The following SLIT3 variants were observed in gnomAD, a reference collection of about 807,000 sequenced individuals.
The protein encoded by SLIT3 is slit homolog 3 protein.
SLIT3 carries 68 observed loss-of-function variants against 184.0 expected under a neutral mutation model. The ratio of observed to expected loss-of-function variants is 0.37; its 90% confidence interval spans 0.30 to 0.45. SLIT3 has a LOEUF of 0.45. Among genes scored for constraint, SLIT3 ranks in the 20% least tolerant of loss-of-function variants. The probability of loss-of-function intolerance (pLI) is 1.00; values close to 1 mark genes in which losing one functional copy is unlikely to be tolerated. For synonymous variants in SLIT3, 831 were observed against 828.6 expected, an observed-to-expected ratio of 1.00 and a Z score of -0.05; for missense variants, 1,707 against 2,026.0, an observed-to-expected ratio of 0.84 and a Z score of 3.02.
intron 10 of SLIT3, 21 bp from the exon 11 acceptor site, chr5:168,789,652 G>A (rs2113586706): frequency 1.2e-6 from 2 of 1,602,230 alleles, no homozygotes; most frequent in East Asian, 2.2e-5. Context: ...TAACGGTAAA[G>A]TCTGAGAACA....
chr5:168,677,510 G>T (rs928458200), intron 32 of SLIT3, among the ~76,000 whole-genome samples: 1 of 152,136 alleles, frequency 6.6e-6, no homozygotes, highest in African/African-American at 2.4e-5. Context: ...ATACATTGGC[G>T]TGATCTCAGC....
chr5:169,201,945 T>C (rs989068635), intron 3 of SLIT3, among the ~76,000 whole-genome samples: 2 of 152,188 alleles, frequency 1.3e-5, no homozygotes, highest in Non-Finnish European at 1.5e-5. Flanking sequence ...ACAGATCTCT[T>C]TGTCAGCCAG....
chr5:169,076,858 T>C (rs1758762810), intron 4 of SLIT3, among the ~76,000 whole-genome samples: 1 of 152,164 alleles, frequency 6.6e-6, no homozygotes, highest in African/African-American at 2.4e-5. Flanking sequence ...TTGATGAGAC[T>C]TGGGACAACT....
intron 4 of SLIT3, among the ~76,000 whole-genome samples, chr5:169,190,380 TC>T (rs1763512517): frequency 6.6e-6 from 1 of 152,240 alleles, no homozygotes; most frequent in Non-Finnish European, 1.5e-5. Context: ...AGCCCCTGGA[TC>T]CAGCTGTTCC....
At chr5:169,191,718 C>T (rs562478120) in intron 4 of SLIT3, among the ~76,000 whole-genome samples, 7 of 152,104 alleles carry the variant, frequency 4.6e-5, no homozygotes, top group Non-Finnish European at 8.8e-5. Flanking sequence ...GTGCCTGGCT[C>T]CCAGAATCTC....
chr5:169,023,931 A>G (rs966671047), intron 4 of SLIT3: 21 of 152,186 alleles, frequency 1.4e-4, no homozygotes, highest in African/African-American at 4.8e-4. Flanking sequence ...CCCAGTGGAA[A>G]CATTCGCATG....
intron 16 of SLIT3, among the ~76,000 whole-genome samples, chr5:168,760,552 C>A (rs928441546): frequency 1.3e-5 from 2 of 152,160 alleles, no homozygotes; most frequent in African/African-American, 4.8e-5. Context: ...TTACCTGAGT[C>A]CCACCCACCA....
At chr5:168,768,376 C>T (rs778939243) in intron 14 of SLIT3, 7 of 450,338 alleles carry the variant, frequency 1.6e-5, no homozygotes, top group Non-Finnish European at 3.1e-5. Context: ...AGTGGGGTTC[C>T]ACTGGAACAC....
chr5:169,125,024 T>G (rs1317679161), intron 4 of SLIT3, among the ~76,000 whole-genome samples: 1 of 152,096 alleles, frequency 6.6e-6, no homozygotes, highest in Non-Finnish European at 1.5e-5. Flanking sequence ...CTGTTTTTAT[T>G]TTTTTGTTTT....
At chr5:168,825,350 G>T (rs538641235) in intron 6 of SLIT3, among the ~76,000 whole-genome samples, 5 of 152,244 alleles carry the variant, frequency 3.3e-5, no homozygotes, top group African/African-American at 1.2e-4. Context: ...TCCAAAGCAG[G>T]ATTCCAGTGG....
At chr5:168,789,840 C>T (rs993899066) in intron 10 of SLIT3, 1 of 531,594 alleles carries the variant, frequency 1.9e-6, no homozygotes, top group Non-Finnish European at 3.3e-6. Flanking sequence ...TTACATCACT[C>T]TTCTTGGTTT....
rs943343660 is a variant in SLIT3, at chr5:168,689,431, T to C, written c.3177-2315A>G. On this transcript the variant is annotated intron_variant, in intron 29 of 35. Coordinates refer to ENST00000519560, the MANE Select transcript of SLIT3 (RefSeq NM_003062.4). ...CCAGGACATCTGGAGTCTCTGGATT[T>C]AGCTGAGAAATCAGTCAGGCCCAGA... is the stretch of plus-strand genomic sequence containing the variant. Among the ~76,000 whole-genome samples the C allele has an allele frequency of 4.6e-5, 7 of 152,234 alleles. No homozygotes were observed. The South Asian group carries it at 6.2e-4, about 14-fold the overall frequency.
intron 26 of SLIT3, among the ~76,000 whole-genome samples, chr5:168,704,656 T>A (rs1762325113): frequency 6.6e-6 from 1 of 152,242 alleles, no homozygotes; most frequent in Admixed American, 6.5e-5. Context: ...GTGTTTAAAC[T>A]GCTTCACAAA....
At chr5:168,785,562 C>T (rs1327883538) in intron 12 of SLIT3, among the ~76,000 whole-genome samples, 3 of 152,204 alleles carry the variant, frequency 2.0e-5, no homozygotes, top group African/African-American at 4.8e-5. Flanking sequence ...GTTTTAGTTC[C>T]TTACATTCTT....
At chr5:168,715,831 C>G (rs972139393) in intron 23 of SLIT3, among the ~76,000 whole-genome samples, 2 of 151,868 alleles carry the variant, frequency 1.3e-5, no homozygotes, top group African/African-American at 4.8e-5. Flanking sequence ...CACCACCAGG[C>G]CTATCTAATT....
intron 4 of SLIT3, among the ~76,000 whole-genome samples, chr5:169,182,551 A>G (rs1177529087): frequency 1.3e-5 from 2 of 152,248 alleles, no homozygotes; most frequent in Non-Finnish European, 2.9e-5. Context: ...AAATTAAAAT[A>G]CTATTTGTCC....
intron 1 of SLIT3, among the ~76,000 whole-genome samples, chr5:169,293,598 G>A (rs1181237133): frequency 6.6e-6 from 1 of 152,150 alleles, no homozygotes; most frequent in Non-Finnish European, 1.5e-5. Flanking sequence ...ATCCTTTGAA[G>A]GGAGTATTAT....
intron 4 of SLIT3, among the ~76,000 whole-genome samples, chr5:169,143,428 A>G (rs961902761): frequency 2.0e-5 from 3 of 152,262 alleles, no homozygotes; most frequent in Admixed American, 6.5e-5. Flanking sequence ...TATAAACTCA[A>G]TCTGACACCA....
chr5:169,088,747 C>T lies in SLIT3; in HGVS notation c.413+104732G>A, dbSNP rs1191486276. Among the ~76,000 whole-genome samples the T allele has an allele frequency of 3.9e-5, 6 of 152,088 alleles. No homozygotes were observed. The East Asian group carries it at 7.7e-4, about 20-fold the overall frequency. ...GAGAAGAGCTGACTGTGGCTGGGCA[C>T]GGTGGCTCATGCCTGTAATCCCAGC... On this transcript the variant is annotated intron_variant, in intron 4 of 35. Coordinates refer to ENST00000519560, the MANE Select transcript of SLIT3 (RefSeq NM_003062.4).
Sources: allele counts gnomAD v4.1 joint callset (sites outside exome capture counted in the v4.1 genomes callset), GRCh38; gene constraint gnomAD v4.1.1; transcripts MANE v1.5; gene names NCBI Gene and HGNC (gene_info 2026-07-23, HGNC 2026-07-21).